The following DRC11 variants were observed in gnomAD, a reference collection of about 807,000 sequenced individuals.
DRC11 encodes the protein IQ and AAA domain-containing protein 1.
At chr2:236,356,419 CT>C in the DRC11 span, among the ~76,000 whole-genome samples, 1 of 145,710 alleles carries the variant, frequency 6.9e-6, no homozygotes, top group African/African-American at 2.5e-5. Context: ...GGCCTTGCCC[CT>C]GTGTCTTGTG....
At chr2:236,393,070 T>A in the DRC11 span, among the ~76,000 whole-genome samples, 2 of 152,272 alleles carry the variant, frequency 1.3e-5, no homozygotes, top group South Asian at 4.1e-4. The surrounding 1 kb of genome is among the most constrained non-coding windows in gnomAD (Gnocchi z 4.7). Context: ...GTGGAATAGC[T>A]GGATCCTCGA....
the DRC11 span, among the ~76,000 whole-genome samples, chr2:236,400,253 G>A: frequency 0.019 from 2,909 of 152,132 alleles, 93 homozygotes; most frequent in Admixed American, 0.065. The surrounding 1 kb of genome is among the most constrained non-coding windows in gnomAD (Gnocchi z 7.9). Context: ...CTTCCTTCCC[G>A]GAGCCAGAGT....
At chr2:236,329,053 G>A in the DRC11 span, among the ~76,000 whole-genome samples, 1 of 152,260 alleles carries the variant, frequency 6.6e-6, no homozygotes, top group East Asian at 1.9e-4. Context: ...CTGGCTTGTG[G>A]CCCCTGCTCC....
the DRC11 span, among the ~76,000 whole-genome samples, chr2:236,398,147 C>T: frequency 1.8e-3 from 267 of 152,260 alleles, no homozygotes; most frequent in African/African-American, 6.1e-3. This position sits in a 1 kb window ranked among gnomAD's most constrained non-coding sequence, Gnocchi z 6.2. Flanking sequence ...AAGCCTTGCA[C>T]GTCTTAGGTA....
At chr2:236,432,061 G>T in the DRC11 span, among the ~76,000 whole-genome samples, 1 of 152,060 alleles carries the variant, frequency 6.6e-6, no homozygotes, top group Non-Finnish European at 1.5e-5. Context: ...ATGTATGTGG[G>T]TTCCCTTTTC....
the DRC11 span, among the ~76,000 whole-genome samples, chr2:236,414,180 T>G: frequency 7.9e-5 from 12 of 152,328 alleles, no homozygotes; most frequent in African/African-American, 2.9e-4. Flanking sequence ...CATAGCTTTT[T>G]TTTCATCCTC....
At chr2:236,503,764 C>T in the DRC11 span, 2 of 1,419,248 alleles carry the variant, frequency 1.4e-6, no homozygotes, top group Middle Eastern at 1.8e-4. The surrounding 1 kb of genome is among the most constrained non-coding windows in gnomAD (Gnocchi z 4.9). Flanking sequence ...CCACACTGGA[C>T]CGCCAGGGAC....
the DRC11 span, among the ~76,000 whole-genome samples, chr2:236,466,334 T>G: frequency 6.6e-6 from 1 of 152,226 alleles, no homozygotes; most frequent in Non-Finnish European, 1.5e-5. Context: ...TCTCGTTTTA[T>G]AATATCATAG....
the DRC11 span, among the ~76,000 whole-genome samples, chr2:236,474,959 T>C: frequency 6.6e-6 from 1 of 152,234 alleles, no homozygotes; most frequent in Admixed American, 6.5e-5. Context: ...CAAATATTTA[T>C]CTTTTCTTTA....
At chr2:236,387,578 C>T in the DRC11 span, among the ~76,000 whole-genome samples, 1 of 152,084 alleles carries the variant, frequency 6.6e-6, no homozygotes, top group Non-Finnish European at 1.5e-5. Context: ...GATGGGTTTC[C>T]TGAATACAGC....
the DRC11 span, among the ~76,000 whole-genome samples, chr2:236,358,043 A>T: frequency 8.4e-6 from 1 of 119,174 alleles, no homozygotes; most frequent in South Asian, 2.6e-4. Context: ...TATATTTATA[A>T]TATATAGATA....
chr2:236,352,608 C>T, the DRC11 span, among the ~76,000 whole-genome samples: 1 of 152,136 alleles, frequency 6.6e-6, no homozygotes, highest in Non-Finnish European at 1.5e-5. The surrounding 1 kb of genome is among the most constrained non-coding windows in gnomAD (Gnocchi z 7.0). Context: ...TACTGAATGG[C>T]ATAAACAACA....
the DRC11 span, among the ~76,000 whole-genome samples, chr2:236,459,705 G>A: frequency 1.1e-4 from 16 of 145,570 alleles, no homozygotes; most frequent in African/African-American, 3.8e-4. Context: ...ACATATATAC[G>A]TATATATATG....
At chr2:236,470,199 C>T in the DRC11 span, among the ~76,000 whole-genome samples, 1 of 152,142 alleles carries the variant, frequency 6.6e-6, no homozygotes, top group African/African-American at 2.4e-5. This position sits in a 1 kb window ranked among gnomAD's most constrained non-coding sequence, Gnocchi z 5.1. Context: ...GGACATTTGT[C>T]CAAATGAAAG....
chr2:236,458,128 C>T, the DRC11 span, among the ~76,000 whole-genome samples: 3 of 152,090 alleles, frequency 2.0e-5, no homozygotes, highest in East Asian at 5.8e-4. Context: ...GGGAAGGAGC[C>T]CACACTTGAG....
the DRC11 span, among the ~76,000 whole-genome samples, chr2:236,489,735 C>G: frequency 1.6e-4 from 24 of 152,194 alleles, no homozygotes; most frequent in South Asian, 1.2e-3. Flanking sequence ...CCAGGCTGGG[C>G]AAAGCGGTGA....
At chr2:236,424,125 A>G in the DRC11 span, among the ~76,000 whole-genome samples, 1 of 151,976 alleles carries the variant, frequency 6.6e-6, no homozygotes, top group African/African-American at 2.4e-5. Context: ...TGGGTGCAGC[A>G]CACCAGCACG....
the DRC11 span, among the ~76,000 whole-genome samples, chr2:236,494,749 G>T: frequency 6.6e-5 from 10 of 152,134 alleles, no homozygotes; most frequent in Admixed American, 2.0e-4. The surrounding 1 kb of genome is among the most constrained non-coding windows in gnomAD (Gnocchi z 4.2). Context: ...AGCCTAAGAG[G>T]GTATCATTTT....
chr2:236,488,755 G>C, the DRC11 span, among the ~76,000 whole-genome samples: 1 of 152,220 alleles, frequency 6.6e-6, no homozygotes, highest in Non-Finnish European at 1.5e-5. Flanking sequence ...CAAACATGAT[G>C]AGTACTAGTA....
Sources: gnomAD v4.1 joint callset for allele counts (sites outside exome capture counted in the v4.1 genomes callset) on GRCh38, gnomAD v4.1.1 for gene constraint, Gnocchi (gnomAD v3.1) non-coding constraint, MANE v1.5 for transcripts, NCBI Gene and HGNC (gene_info 2026-07-23, HGNC 2026-07-21) for gene names.